The following PTBP3 variants were observed in gnomAD, a reference collection of about 807,000 sequenced individuals.
The protein encoded by PTBP3 is polypyrimidine tract-binding protein 3.
Under a neutral mutation model 58.7 loss-of-function variants are expected in PTBP3, and 20 were observed. That is an observed-to-expected ratio of 0.34 (90% CI 0.24 to 0.50). The LOEUF (loss-of-function observed/expected upper bound fraction) is 0.50. Among genes scored for constraint, PTBP3 ranks in the 20% least tolerant of loss-of-function variants. The pLI is 0.98. For missense variants in PTBP3, 509 were observed against 637.2 expected (o/e 0.80, Z 2.17); for synonymous variants, 185 against 219.8 (o/e 0.84, Z 1.40).
chr9:112,370,333 G>A, the PTBP3 span, among the ~76,000 whole-genome samples: 3 of 152,240 alleles, frequency 2.0e-5, no homozygotes, highest in South Asian at 6.2e-4. Context: ...CTTGAGCTCA[G>A]GAGTTCAAGA....
chr9:112,250,654 A>C (rs1474463700), intron 7 of PTBP3, among the ~76,000 whole-genome samples: 1 of 152,214 alleles, frequency 6.6e-6, no homozygotes, highest in Non-Finnish European at 1.5e-5. Context: ...AAGACTACTA[A>C]TTTGAAGCAA....
intron 1 of PTBP3, among the ~76,000 whole-genome samples, chr9:112,311,558 C>A (rs1394665625): frequency 6.6e-6 from 1 of 152,108 alleles, no homozygotes; most frequent in Non-Finnish European, 1.5e-5. Flanking sequence ...ACTTTTTATA[C>A]ATGCAGGCAG....
the PTBP3 span, among the ~76,000 whole-genome samples, chr9:112,353,287 C>T: frequency 6.6e-6 from 1 of 152,190 alleles, no homozygotes; most frequent in African/African-American, 2.4e-5. Context: ...TCTCCCCTAA[C>T]TTACCTAGTC....
intron 1 of PTBP3, chr9:112,298,530 A>C (rs747610884): frequency 3.9e-6 from 2 of 509,834 alleles, no homozygotes; most frequent in Non-Finnish European, 7.8e-6. Context: ...TTGTAATGTA[A>C]GATCTACCAC....
intron 2 of PTBP3, among the ~76,000 whole-genome samples, chr9:112,290,707 TACAC>T (rs60262490): frequency 4.9e-4 from 54 of 110,918 alleles, no homozygotes; most frequent in South Asian, 1.2e-3. Flanking sequence ...TATATATATA[TACAC>T]ACACACACAC....
the PTBP3 span, among the ~76,000 whole-genome samples, chr9:112,369,890 C>T: frequency 1.4e-4 from 21 of 152,016 alleles, no homozygotes; most frequent in Admixed American, 5.2e-4. Context: ...ATCATAGGGG[C>T]CAGTTTTCCC....
rs10981348 is a variant in PTBP3 at position 112,297,925 on chromosome 9, C to G, written c.-51-9G>C. ...AGCTCATCAGATCCCCGCTGAAAAG[C>G]AAAACCAATGTTTGGTTAATAAACC... On this transcript the variant is annotated splice_polypyrimidine_tract_variant and intron_variant, in intron 1 of 13. Coordinates refer to ENST00000374257, the MANE Select transcript of PTBP3 (RefSeq NM_001163788.4). 0.31 allele frequency: 504,592 copies of G among 1,603,282 alleles called. 83,930 individuals carry two copies. Among genetic ancestry groups the G allele is most frequent in the Admixed American group, 0.43 (25,190 of 58,376 alleles).
chr9:112,233,726 T>C (rs951647495), intron 8 of PTBP3, among the ~76,000 whole-genome samples: 3 of 152,042 alleles, frequency 2.0e-5, no homozygotes, highest in Admixed American at 2.0e-4. Context: ...AGGCCAGGAG[T>C]TTGAGACCAG....
the PTBP3 span, among the ~76,000 whole-genome samples, chr9:112,340,632 CA>C: frequency 3.9e-5 from 6 of 152,172 alleles, no homozygotes; most frequent in Non-Finnish European, 8.8e-5. Context: ...CCTGTAATCC[CA>C]GCACTTTGGG....
At chr9:112,293,936 C>G (rs1828555455) in intron 2 of PTBP3, among the ~76,000 whole-genome samples, 1 of 152,198 alleles carries the variant, frequency 6.6e-6, no homozygotes, top group South Asian at 2.1e-4. Context: ...TAGAAATAAA[C>G]TTAAATCTGT....
chr9:112,290,697 T>TACACACAC lies in PTBP3; in HGVS notation c.34+7134_34+7135insGTGTGTGT, dbSNP rs1212533738. Among the ~76,000 whole-genome samples, 304 of 62,022 alleles carry TACACACAC rather than the reference T, an allele frequency of 4.9e-3. 1 individual carries two copies. Among genetic ancestry groups the TACACACAC allele is most frequent in the South Asian group, 0.012 (20 of 1,666 alleles). 40.7% of individuals were successfully genotyped at this position (62,022 alleles called of 152,430 possible). On this transcript the variant is annotated intron_variant, in intron 2 of 13. Coordinates refer to ENST00000374257, the MANE Select transcript of PTBP3 (RefSeq NM_001163788.4). ...TAAAAAAAAAAAAAAAATATATATA[T>TACACACAC]ATATATATATACACACACACACACA...
At chr9:112,359,318 G>A in the PTBP3 span, among the ~76,000 whole-genome samples, 1 of 151,790 alleles carries the variant, frequency 6.6e-6, no homozygotes, top group East Asian at 1.9e-4. Flanking sequence ...ATGATGGCGG[G>A]AACCTGCAGT....
intron 2 of PTBP3, among the ~76,000 whole-genome samples, chr9:112,283,766 C>T (rs1471518212): frequency 6.6e-5 from 10 of 152,228 alleles, no homozygotes; most frequent in Admixed American, 3.3e-4. Flanking sequence ...GACCTGGAGG[C>T]CTAAGAGAAA....
chr9:112,285,869 TTC>T (rs1412994030), intron 2 of PTBP3, among the ~76,000 whole-genome samples: 1 of 152,206 alleles, frequency 6.6e-6, no homozygotes, highest in African/African-American at 2.4e-5. Flanking sequence ...TTTACTGATT[TTC>T]TGTCTACTAT....
intron 1 of PTBP3, among the ~76,000 whole-genome samples, chr9:112,320,711 A>G (rs1291809151): frequency 1.3e-5 from 2 of 152,212 alleles, no homozygotes; most frequent in African/African-American, 4.8e-5. Context: ...TCAAGGGATA[A>G]GAATACAGTA....
At chr9:112,228,598 A>AT (rs1205960893) in intron 10 of PTBP3, 126 bp from the exon 11 acceptor site, 2 of 561,846 alleles carry the variant, frequency 3.6e-6, no homozygotes, top group Non-Finnish European at 3.1e-6. Flanking sequence ...ACACCTGCAA[A>AT]TTTTTATCTC....
intron 3 of PTBP3, among the ~76,000 whole-genome samples, chr9:112,270,716 T>C (rs1827346602): frequency 6.6e-6 from 1 of 152,066 alleles, no homozygotes; most frequent in African/African-American, 2.4e-5. Context: ...GTGAAGAAAA[T>C]TTTTCAGTGA....
At chr9:112,368,594 G>A in the PTBP3 span, among the ~76,000 whole-genome samples, 1 of 152,072 alleles carries the variant, frequency 6.6e-6, no homozygotes, top group African/African-American at 2.4e-5. Flanking sequence ...GAGAAAAGTT[G>A]GATTGGTTAT....
chr9:112,331,082 AACACACACACACACACACACACAC>A (rs10660591), intron 1 of PTBP3, among the ~76,000 whole-genome samples: 3 of 139,530 alleles, frequency 2.2e-5, no homozygotes, highest in South Asian at 2.4e-4. Flanking sequence ...GGAGGAAACG[AACACACACACACACACACACACAC>A]ACACACACAC....
Sources: allele counts gnomAD v4.1 joint callset (sites outside exome capture counted in the v4.1 genomes callset), GRCh38; gene constraint gnomAD v4.1.1; transcripts MANE v1.5; gene names NCBI Gene and HGNC (gene_info 2026-07-23, HGNC 2026-07-21).